ZDHHC2: variants seen among roughly 807,000 people sequenced by gnomAD.
The protein encoded by ZDHHC2 is zDHHC palmitoyltransferase 2, also known as palmitoyltransferase ZDHHC2.
A neutral mutation model predicts 55.6 loss-of-function variants in ZDHHC2; 51 were observed. That is an observed-to-expected ratio of 0.92 (90% CI 0.73 to 1.16). The LOEUF (loss-of-function observed/expected upper bound fraction) is 1.16. ZDHHC2 is among the 50% of genes most tolerant of loss of function. The pLI, the probability that ZDHHC2 is intolerant of heterozygous loss-of-function variation, is 0.00. For missense variants in ZDHHC2, 491 were observed against 442.4 expected, an observed-to-expected ratio of 1.11 and a Z score of -0.99; for synonymous variants, 199 against 152.9, an observed-to-expected ratio of 1.30 and a Z score of -2.22.
At chr8:17,199,533 T>TTC (rs773429262) in intron 6 of ZDHHC2, among the ~76,000 whole-genome samples, 12 of 31,252 alleles carry the variant, frequency 3.8e-4, no homozygotes, top group South Asian at 9.5e-4. Flanking sequence ...CTTCGTCTTC[T>TTC]GTCTTCGTCT....
Position 17,200,056 on chromosome 8 carries a change from A to C in ZDHHC2, c.476+1643A>C, listed in dbSNP as rs74729921. ...AGGCGCGAGCCACCATGCCTGGCCA[A>C]CGTCTTCTTAATTCTCCTTACATTC... On this transcript the variant is annotated intron_variant, in intron 6 of 12. Transcript: ENST00000262096. Among the ~76,000 whole-genome samples, 353 of 151,978 alleles carry C rather than the reference A, an allele frequency of 2.3e-3. 2 individuals are homozygous for C. The highest frequency in any genetic ancestry group is 8.3e-3 in the African/African-American group (342 of 41,436).
chr8:17,196,910 GAA>G (rs1287157134), intron 4 of ZDHHC2, among the ~76,000 whole-genome samples: 2 of 132,706 alleles, frequency 1.5e-5, no homozygotes, highest in Non-Finnish European at 3.3e-5. Context: ...TTTCGTCTCA[GAA>G]AAAAAAAAAA....
intron 4 of ZDHHC2, among the ~76,000 whole-genome samples, chr8:17,196,263 C>G (rs1347922402): frequency 1.3e-5 from 2 of 152,084 alleles, no homozygotes; most frequent in African/African-American, 4.8e-5. Context: ...CAGACCTGTG[C>G]TGTCCATTAT....
chr8:17,211,537 T>C (rs1373561381), intron 10 of ZDHHC2, among the ~76,000 whole-genome samples: 1 of 152,166 alleles, frequency 6.6e-6, no homozygotes, highest in African/African-American at 2.4e-5. Context: ...TCACCCAGGC[T>C]GGAGTGCAGT....
intron 3 of ZDHHC2, among the ~76,000 whole-genome samples, chr8:17,193,401 T>C (rs1269150660): frequency 1.3e-5 from 2 of 152,370 alleles, no homozygotes; most frequent in East Asian, 3.9e-4. Context: ...CCTCTCTCTC[T>C]CTCTGCTGAG....
chr8:17,173,843 G>A (rs946464011), intron 1 of ZDHHC2, among the ~76,000 whole-genome samples: 4 of 152,026 alleles, frequency 2.6e-5, no homozygotes, highest in Non-Finnish European at 5.9e-5. Context: ...TGAACTCCAG[G>A]ACTTCAGAAT....
chr8:17,159,924 T>C (rs536659931), intron 1 of ZDHHC2, among the ~76,000 whole-genome samples: 1 of 152,182 alleles, frequency 6.6e-6, no homozygotes, highest in Non-Finnish European at 1.5e-5. Flanking sequence ...CTGGCTTCTT[T>C]TGTGTTTTAA....
At chr8:17,204,617 A>G (rs890360274) in intron 6 of ZDHHC2, among the ~76,000 whole-genome samples, 1 of 152,150 alleles carries the variant, frequency 6.6e-6, no homozygotes, top group African/African-American at 2.4e-5. Context: ...ATGAGAACAC[A>G]TGGACACAGA....
At chr8:17,217,324 AT>A in intron 12 of ZDHHC2, 78 bp downstream of exon 12, 1 of 1,039,850 alleles carries the variant, frequency 9.6e-7, no homozygotes, top group South Asian at 1.6e-5. Flanking sequence ...TTCCATAAAC[AT>A]TTTTAATAAT....
At chr8:17,183,464 G>A (rs1039448028) in intron 1 of ZDHHC2, among the ~76,000 whole-genome samples, 7 of 152,180 alleles carry the variant, frequency 4.6e-5, no homozygotes, top group African/African-American at 1.2e-4. Flanking sequence ...ACTTACAAGC[G>A]GACTTGGAGA....
At chr8:17,199,489 T>A (rs1806523000) in intron 6 of ZDHHC2, among the ~76,000 whole-genome samples, 1 of 37,024 alleles carries the variant, frequency 2.7e-5, no homozygotes, top group African/African-American at 6.7e-5. Context: ...TTCTTCTTCT[T>A]CTTCTTCTTC....
At chr8:17,219,664 G>A (rs1807822774) in intron 12 of ZDHHC2, among the ~76,000 whole-genome samples, 1 of 152,146 alleles carries the variant, frequency 6.6e-6, no homozygotes, top group African/African-American at 2.4e-5. Flanking sequence ...CACTCCAGAG[G>A]CTGAGGTGGG....
chr8:17,214,256 ATTC>A (rs1191946439), intron 10 of ZDHHC2, among the ~76,000 whole-genome samples: 2 of 152,302 alleles, frequency 1.3e-5, no homozygotes, highest in African/African-American at 4.8e-5. Flanking sequence ...TTTAAAGAAA[ATTC>A]TTCTTAGAAG....
rs140790079 is a variant in ZDHHC2, at chr8:17,200,885, G to C, written c.476+2472G>C. Among the ~76,000 whole-genome samples, 3 of 152,208 alleles carry C rather than the reference G, an allele frequency of 2.0e-5. No homozygotes were observed. In the East Asian group the frequency reaches 5.8e-4, roughly 29 times the overall value. The stretch of plus-strand genomic sequence containing the variant: ...ACTGCGGTACCTTTTAACCTGTGTC[G>C]TTGTTCACTTCCCCATCACTTCCCT... On this transcript the variant is annotated intron_variant, in intron 6 of 12. Coordinates refer to ENST00000262096, the MANE Select transcript of ZDHHC2 (RefSeq NM_016353.5).
intron 3 of ZDHHC2, among the ~76,000 whole-genome samples, chr8:17,187,539 G>A (rs1003495263): frequency 6.6e-5 from 10 of 152,218 alleles, no homozygotes; most frequent in East Asian, 3.9e-4. Context: ...AGATGTTTGC[G>A]CAGAATTAAT....
intron 1 of ZDHHC2, among the ~76,000 whole-genome samples, chr8:17,165,891 G>T (rs1376523070): frequency 6.6e-6 from 1 of 152,186 alleles, no homozygotes; most frequent in Non-Finnish European, 1.5e-5. Flanking sequence ...TATATCTCCG[G>T]CCAGGGGAGT....
chr8:17,209,556 G>T (rs1807271778), intron 8 of ZDHHC2, among the ~76,000 whole-genome samples: 1 of 151,970 alleles, frequency 6.6e-6, no homozygotes, highest in African/African-American at 2.4e-5. Context: ...TCTGATTGTG[G>T]TTTTCTTAAA....
At chr8:17,186,296 A>T in intron 2 of ZDHHC2, 35 bp from the exon 3 acceptor site, 1 of 1,379,996 alleles carries the variant, frequency 7.2e-7, no homozygotes, top group Non-Finnish European at 1.0e-6. Context: ...ATGTATTTGC[A>T]TATTATAATG....
chr8:17,177,366 G>GCT (rs1805193746), intron 1 of ZDHHC2, among the ~76,000 whole-genome samples: 1 of 152,190 alleles, frequency 6.6e-6, no homozygotes, highest in African/African-American at 2.4e-5. Flanking sequence ...AAGTGGGATG[G>GCT]CAGCTAGAGA....
Sources: gnomAD v4.1 joint callset for allele counts (sites outside exome capture counted in the v4.1 genomes callset) on GRCh38, gnomAD v4.1.1 for gene constraint, MANE v1.5 for transcripts, NCBI Gene and HGNC (gene_info 2026-07-23, HGNC 2026-07-21) for gene names.